The following GPHN variants were observed in gnomAD, a reference collection of about 807,000 sequenced individuals.
The protein encoded by GPHN is gephyrin.
Under a neutral mutation model 95.5 loss-of-function variants are expected in GPHN, and 17 were observed. The ratio of observed to expected loss-of-function variants is 0.18; its 90% CI spans 0.12 to 0.27. The LOEUF (loss-of-function observed/expected upper bound fraction) is 0.27. Ranked by LOEUF, GPHN falls within the 10% of genes least tolerant of loss-of-function variation. GPHN has a pLI of 1.00. For synonymous variants in GPHN, 320 were observed against 322.5 expected, an observed-to-expected ratio of 0.99 and a Z score of 0.08; for missense variants, 660 against 978.1, an observed-to-expected ratio of 0.67 and a Z score of 4.34.
At chr14:66,578,452 C>T (rs1316321833) in intron 1 of GPHN, among the ~76,000 whole-genome samples, 3 of 151,208 alleles carry the variant, frequency 2.0e-5, no homozygotes, top group Non-Finnish European at 4.4e-5. Context: ...TATAAATGTC[C>T]ACACATAGGA....
the GPHN span, among the ~76,000 whole-genome samples, chr14:67,465,411 A>C: frequency 1.3e-5 from 2 of 152,102 alleles, no homozygotes; most frequent in African/African-American, 4.8e-5. Flanking sequence ...AGGCCAAACC[A>C]CAAAAGGTTT....
the GPHN span, among the ~76,000 whole-genome samples, chr14:67,328,031 A>G: frequency 6.6e-6 from 1 of 152,182 alleles, no homozygotes; most frequent in Non-Finnish European, 1.5e-5. Context: ...TGGTATTTCT[A>G]GTTCTAGATC....
At chr14:67,571,725 G>A in the GPHN span, 2 of 1,604,178 alleles carry the variant, frequency 1.2e-6, no homozygotes, top group Admixed American at 3.3e-5. Flanking sequence ...AGCCTGAGCT[G>A]CAGTGAGGGA....
At chr14:66,540,697 G>A (rs919968356) in intron 1 of GPHN, among the ~76,000 whole-genome samples, 4 of 152,122 alleles carry the variant, frequency 2.6e-5, no homozygotes, top group Admixed American at 1.3e-4. Context: ...AACTGGCTAC[G>A]CTTAGTTCTT....
intron 11 of GPHN, among the ~76,000 whole-genome samples, chr14:67,067,475 G>C (rs1467231721): frequency 6.6e-6 from 1 of 152,184 alleles, no homozygotes; most frequent in African/African-American, 2.4e-5. Flanking sequence ...TAGAACCACT[G>C]CTCTCTTCAG....
intron 18 of GPHN, among the ~76,000 whole-genome samples, chr14:67,152,638 C>T (rs1404768104): frequency 6.6e-6 from 1 of 152,164 alleles, no homozygotes; most frequent in African/African-American, 2.4e-5. Context: ...TACATCTCCA[C>T]TGGGCAGAAT....
intron 9 of GPHN, among the ~76,000 whole-genome samples, chr14:66,997,366 T>TAAAAAA (rs34315684): frequency 8.1e-6 from 1 of 123,984 alleles, no homozygotes; most frequent in Admixed American, 8.1e-5. Flanking sequence ...GACTTCGTCT[T>TAAAAAA]AAAAAAAAAA....
At chr14:66,946,091 GT>G (rs942457142) in intron 8 of GPHN, among the ~76,000 whole-genome samples, 1 of 152,004 alleles carries the variant, frequency 6.6e-6, no homozygotes, top group African/African-American at 2.4e-5. Flanking sequence ...ACTTAGACAT[GT>G]AATTTAAATA....
the GPHN span, chr14:67,292,724 G>C: frequency 6.2e-7 from 1 of 1,610,138 alleles, no homozygotes; most frequent in Non-Finnish European, 8.5e-7. Context: ...CAAGAGGTAT[G>C]TATTCTAAAC....
the GPHN span, among the ~76,000 whole-genome samples, chr14:67,404,224 G>C: frequency 4.8e-3 from 736 of 152,294 alleles, 8 homozygotes; most frequent in African/African-American, 0.017. Flanking sequence ...GAGATGGTAG[G>C]CCACTGGCAC....
At chr14:67,362,922 G>C in the GPHN span, among the ~76,000 whole-genome samples, 1 of 152,092 alleles carries the variant, frequency 6.6e-6, no homozygotes, top group South Asian at 2.1e-4. Context: ...GTTGCAAAGA[G>C]ACTTGTGCCT....
the GPHN span, among the ~76,000 whole-genome samples, chr14:67,220,873 A>G: frequency 6.6e-6 from 1 of 152,250 alleles, no homozygotes; most frequent in African/African-American, 2.4e-5. Context: ...GTAGAACTTG[A>G]ACTGGGTGTA....
chr14:67,301,226 CATAATAACAAG>C, the GPHN span, among the ~76,000 whole-genome samples: 1 of 151,640 alleles, frequency 6.6e-6, no homozygotes, highest in Non-Finnish European at 1.5e-5. Flanking sequence ...TTGTTTTATC[CATAATAACAAG>C]ATTGAAAACT....
intron 1 of GPHN, among the ~76,000 whole-genome samples, chr14:66,626,135 T>G (rs2063518127): frequency 6.6e-6 from 1 of 152,156 alleles, no homozygotes; most frequent in African/African-American, 2.4e-5. Flanking sequence ...AATACCCCTG[T>G]TTTTCATAAG....
At chr14:66,980,644 TC>T (rs1244059625) in intron 9 of GPHN, among the ~76,000 whole-genome samples, 3 of 152,236 alleles carry the variant, frequency 2.0e-5, no homozygotes, top group African/African-American at 7.2e-5. Flanking sequence ...GATTATACTG[TC>T]TTGGAATTAA....
At chr14:66,653,761 T>C (rs939006541) in intron 1 of GPHN, among the ~76,000 whole-genome samples, 1 of 151,134 alleles carries the variant, frequency 6.6e-6, no homozygotes, top group African/African-American at 2.5e-5. Context: ...ATATCAGGCG[T>C]TGGCCACATT....
At chr14:66,696,334 A>G (rs1055436986) in intron 2 of GPHN, among the ~76,000 whole-genome samples, 4 of 152,224 alleles carry the variant, frequency 2.6e-5, no homozygotes, top group Non-Finnish European at 5.9e-5. Flanking sequence ...TTGTTTTACT[A>G]TCCATTAGCC....
intron 9 of GPHN, among the ~76,000 whole-genome samples, chr14:67,016,099 G>T (rs1269571210): frequency 6.6e-6 from 1 of 152,216 alleles, no homozygotes; most frequent in East Asian, 1.9e-4. Context: ...GCAAATAGAG[G>T]TGGGAAAGGT....
At chr14:66,669,744 G>GT (rs1006126274) in intron 1 of GPHN, among the ~76,000 whole-genome samples, 110 of 151,932 alleles carry the variant, frequency 7.2e-4, no homozygotes, top group African/African-American at 2.5e-3. Context: ...CAGTTATTGT[G>GT]TTTTTCAGGT....
Sources: allele counts gnomAD v4.1 joint callset (sites outside exome capture counted in the v4.1 genomes callset), GRCh38; gene constraint gnomAD v4.1.1; transcripts MANE v1.5; gene names NCBI Gene and HGNC (gene_info 2026-07-23, HGNC 2026-07-21).